The following CSMD1 variants were observed in gnomAD, a reference collection of about 807,000 sequenced individuals.
CSMD1 encodes CUB and sushi domain-containing protein 1.
CSMD1 carries 213 observed loss-of-function variants against 417.5 expected under a neutral mutation model. The ratio of observed to expected loss-of-function variants is 0.51; its 90% confidence interval spans 0.46 to 0.57. CSMD1 has a LOEUF of 0.57. CSMD1 is among the 20% of genes least tolerant of loss of function. CSMD1 has a pLI of 0.00. For missense variants in CSMD1, 6,923 were observed against 4,529.7 expected, an observed-to-expected ratio of 1.53 and a Z score of -15.17; for synonymous variants, 2,862 against 1,736.8, an observed-to-expected ratio of 1.65 and a Z score of -16.11.
At chr8:4,407,233 C>A (rs943422543) in intron 3 of CSMD1, among the ~76,000 whole-genome samples, 1 of 152,128 alleles carries the variant, frequency 6.6e-6, no homozygotes, top group African/African-American at 2.4e-5. Flanking sequence ...TTCTATGCCA[C>A]AGGATGTCAA....
intron 5 of CSMD1, among the ~76,000 whole-genome samples, chr8:3,945,968 A>T (rs150724749): frequency 9.3e-4 from 142 of 152,246 alleles, no homozygotes; most frequent in African/African-American, 3.1e-3. Context: ...ATTTATTGAA[A>T]GGTTATGTTC....
intron 1 of CSMD1, among the ~76,000 whole-genome samples, chr8:4,817,565 A>G (rs911731573): frequency 1.3e-5 from 2 of 152,354 alleles, no homozygotes; most frequent in Admixed American, 6.5e-5. Flanking sequence ...AAGTAAAATT[A>G]TAATTTCCCA....
At chr8:3,792,024 A>C (rs1799774598) in intron 5 of CSMD1, among the ~76,000 whole-genome samples, 1 of 152,080 alleles carries the variant, frequency 6.6e-6, no homozygotes, top group African/African-American at 2.4e-5. Context: ...TAATGTTTTG[A>C]CAGTCAATTA....
chr8:3,231,049 T>C (rs1798805924), intron 26 of CSMD1, among the ~76,000 whole-genome samples: 1 of 152,116 alleles, frequency 6.6e-6, no homozygotes. Context: ...CCATCGACTC[T>C]GCCTGCGCCT....
At chr8:3,851,893 A>G (rs1351738384) in intron 5 of CSMD1, among the ~76,000 whole-genome samples, 5 of 152,130 alleles carry the variant, frequency 3.3e-5, no homozygotes, top group Non-Finnish European at 7.4e-5. Context: ...CATGGATCAG[A>G]GATTCTGGCG....
chr8:4,947,015 G>A (rs1048018297), intron 1 of CSMD1, among the ~76,000 whole-genome samples: 2 of 152,066 alleles, frequency 1.3e-5, no homozygotes, highest in Non-Finnish European at 2.9e-5. Context: ...TAAACAATCA[G>A]CAAAATAAGA....
At chr8:4,416,682 A>T (rs1333567825) in intron 3 of CSMD1, among the ~76,000 whole-genome samples, 1 of 152,096 alleles carries the variant, frequency 6.6e-6, no homozygotes, top group East Asian at 1.9e-4. Context: ...CAATTTTTAG[A>T]TGACCGTGTA....
intron 3 of CSMD1, among the ~76,000 whole-genome samples, chr8:4,044,566 G>A (rs935644316): frequency 6.6e-6 from 1 of 152,192 alleles, no homozygotes; most frequent in Non-Finnish European, 1.5e-5. Flanking sequence ...CCACGGCAGA[G>A]CTCGGTCACC....
intron 1 of CSMD1, among the ~76,000 whole-genome samples, chr8:4,883,203 G>T (rs1186409304): frequency 2.6e-5 from 4 of 152,154 alleles, no homozygotes; most frequent in Admixed American, 6.5e-5. Context: ...AGCAGAACAT[G>T]ACGTCTACCA....
At chr8:3,306,849 C>CTTACT (rs1804897204) in intron 25 of CSMD1, among the ~76,000 whole-genome samples, 1 of 61,384 alleles carries the variant, frequency 1.6e-5, no homozygotes, top group Non-Finnish European at 3.6e-5. Flanking sequence ...TATTACAGAG[C>CTTACT]TTACTTTAAA....
intron 1 of CSMD1, among the ~76,000 whole-genome samples, chr8:4,680,284 A>G (rs1805955200): frequency 6.6e-6 from 1 of 152,208 alleles, no homozygotes; most frequent in African/African-American, 2.4e-5. Context: ...AATATTTTAC[A>G]AGGAAAATTC....
In CSMD1 at chr8:2,938,750, GA is replaced by G. The variant is rs1801663919; in HGVS notation, c.10536-7del. 1.7e-5 allele frequency: 27 copies of G among 1,595,822 alleles called. No individual in the cohort carries two copies. The highest frequency in any genetic ancestry group is 2.3e-5 in the Non-Finnish European group (27 of 1,170,026). ...ATTGAACTTTTGGTCTCGTTCTAAG[GA>G]AAACAGAAAACAAATCATTAGAATC... On this transcript the variant is annotated splice_polypyrimidine_tract_variant and splice_region_variant and intron_variant, in intron 69 of 69. Transcript: ENST00000635120.
intron 3 of CSMD1, among the ~76,000 whole-genome samples, chr8:4,236,846 C>T (rs980284308): frequency 9.9e-5 from 15 of 152,188 alleles, no homozygotes; most frequent in Admixed American, 9.8e-4. Context: ...AGTCACTGAA[C>T]AAAATGGAAC....
intron 1 of CSMD1, among the ~76,000 whole-genome samples, chr8:4,656,509 G>T (rs1334979851): frequency 3.3e-5 from 5 of 151,902 alleles, no homozygotes; most frequent in South Asian, 2.1e-4. Context: ...AATCCATCTT[G>T]CAGGGATTCT....
intron 12 of CSMD1, among the ~76,000 whole-genome samples, chr8:3,436,315 G>C (rs1814562091): frequency 1.3e-5 from 2 of 152,154 alleles, no homozygotes; most frequent in Admixed American, 1.3e-4. Context: ...AGGTGAGAAA[G>C]TCCATGCCTT....
intron 3 of CSMD1, among the ~76,000 whole-genome samples, chr8:4,090,520 T>C (rs530034642): frequency 3.3e-5 from 5 of 152,326 alleles, no homozygotes; most frequent in Admixed American, 6.5e-5. Context: ...GAAAGCTTTG[T>C]ACACCTCTTC....
intron 2 of CSMD1, among the ~76,000 whole-genome samples, chr8:4,625,194 C>A (rs1052058112): frequency 6.6e-6 from 1 of 150,478 alleles, no homozygotes; most frequent in Admixed American, 6.6e-5. Flanking sequence ...GACCCACAGG[C>A]AACCTCGTCT....
rs75080899 is a variant in CSMD1 at position 4,976,685 on chromosome 8, C to T, written c.85+17647G>A. Among the ~76,000 whole-genome samples, 12 of 152,266 alleles carry T rather than the reference C, an allele frequency of 7.9e-5. No individual in the cohort carries two copies. The East Asian group carries it at 2.3e-3, about 29-fold the overall frequency. ...AATAGGATGAGAAGGTATTTTACTC[C>T]AGCATTTTTATTTGTTTTAATATAC... On this transcript the variant is annotated intron_variant, in intron 1 of 69. Coordinates refer to ENST00000635120, the MANE Select transcript of CSMD1 (RefSeq NM_033225.6).
chr8:3,566,168 A>G (rs570539706), intron 10 of CSMD1, among the ~76,000 whole-genome samples: 3 of 151,850 alleles, frequency 2.0e-5, no homozygotes, highest in Admixed American at 6.6e-5. Flanking sequence ...AACAACAAAG[A>G]GAGGAGAAAG....
Sources: allele counts gnomAD v4.1 joint callset (sites outside exome capture counted in the v4.1 genomes callset), GRCh38; gene constraint gnomAD v4.1.1; transcripts MANE v1.5; gene names NCBI Gene and HGNC (gene_info 2026-07-23, HGNC 2026-07-21).